The following KCNJ12 variants were observed in gnomAD, a reference collection of about 807,000 sequenced individuals.
KCNJ12 encodes ATP-sensitive inward rectifier potassium channel 12.
In KCNJ12, 2 loss-of-function variants were observed where a neutral mutation model predicts 22.3. The ratio of observed to expected loss-of-function variants is 0.09; its 90% CI spans 0.04 to 0.28. The LOEUF (loss-of-function observed/expected upper bound fraction) is 0.28, where lower values mean the gene tolerates loss of function less well. Ranked by LOEUF, KCNJ12 falls within the 10% of genes least tolerant of loss-of-function variation. The probability of loss-of-function intolerance (pLI) is 1.00; values close to 1 mark genes in which losing one functional copy is unlikely to be tolerated. For missense variants in KCNJ12, 155 were observed against 633.3 expected (o/e 0.24, Z 8.11); for synonymous variants, 117 against 261.4 (o/e 0.45, Z 5.33).
At chr17:21,400,413 TG>T (rs1392012544) in intron 1 of KCNJ12, among the ~76,000 whole-genome samples, 1 of 152,306 alleles carries the variant, frequency 6.6e-6, no homozygotes, top group Non-Finnish European at 1.5e-5. Context: ...CAGTCCCTCC[TG>T]TAGCCGGAAT....
chr17:21,382,430 A>G (rs1346652420), intron 1 of KCNJ12, among the ~76,000 whole-genome samples: 3 of 152,170 alleles, frequency 2.0e-5, no homozygotes, highest in African/African-American at 4.8e-5. Flanking sequence ...TGCCCAGTTA[A>G]GCATTCCAGA....
intron 1 of KCNJ12, among the ~76,000 whole-genome samples, chr17:21,383,658 C>T (rs567886308): frequency 6.6e-6 from 1 of 152,318 alleles, no homozygotes; most frequent in African/African-American, 2.4e-5. Context: ...CCCAGCCTGT[C>T]CCCTGGATGT....
At chr17:21,411,080 C>T (rs76513588) in intron 2 of KCNJ12, among the ~76,000 whole-genome samples, 21,535 of 143,044 alleles carry the variant, frequency 0.15, no homozygotes, top group Non-Finnish European at 0.18. Flanking sequence ...CTCTCCCTTC[C>T]GGTCAGTGCT....
At chr17:21,400,201 T>C (rs1313838843) in intron 1 of KCNJ12, among the ~76,000 whole-genome samples, 2 of 152,210 alleles carry the variant, frequency 1.3e-5, no homozygotes, top group Non-Finnish European at 2.9e-5. Context: ...GGGCTGCACA[T>C]GCAAAGGCCA....
chr17:21,381,329 A>G (rs1206393571), intron 1 of KCNJ12, among the ~76,000 whole-genome samples: 3 of 152,082 alleles, frequency 2.0e-5, no homozygotes, highest in African/African-American at 4.8e-5. Flanking sequence ...CTTCTACCAG[A>G]GCCACTCTGG....
intron 1 of KCNJ12, among the ~76,000 whole-genome samples, chr17:21,379,966 G>A (rs1036093796): frequency 6.6e-5 from 10 of 152,156 alleles, no homozygotes; most frequent in Non-Finnish European, 1.5e-4. Flanking sequence ...GACAGGGATT[G>A]GAGGCCCAGG....
chr17:21,405,708 C>G (rs56788990), intron 1 of KCNJ12, among the ~76,000 whole-genome samples: 2 of 144,742 alleles, frequency 1.4e-5, no homozygotes, highest in Non-Finnish European at 3.1e-5. Flanking sequence ...GCCCACCTCC[C>G]CATCCAGGAT....
At chr17:21,406,633 G>A (rs1339409500) in intron 1 of KCNJ12, among the ~76,000 whole-genome samples, 112 of 152,054 alleles carry the variant, frequency 7.4e-4, no homozygotes, top group Non-Finnish European at 9.3e-4. Context: ...GAGGGGAAGT[G>A]ACTCACTCAA....
At chr17:21,407,901 C>T (rs1906067766) in intron 1 of KCNJ12, among the ~76,000 whole-genome samples, 1 of 152,282 alleles carries the variant, frequency 6.6e-6, no homozygotes, top group Non-Finnish European at 1.5e-5. Context: ...CATCCACCCA[C>T]CCATGTATTC....
intron 1 of KCNJ12, among the ~76,000 whole-genome samples, chr17:21,407,816 CAT>C: frequency 6.7e-6 from 1 of 148,610 alleles, no homozygotes; most frequent in African/African-American, 2.5e-5. Context: ...TCCATTCACC[CAT>C]TCATCCACTC....
chr17:21,388,361 G>T (rs995075834), intron 1 of KCNJ12, among the ~76,000 whole-genome samples: 1 of 152,192 alleles, frequency 6.6e-6, no homozygotes, highest in Non-Finnish European at 1.5e-5. Flanking sequence ...CGTGGAGCCC[G>T]AGAGTGTGGC....
intron 1 of KCNJ12, among the ~76,000 whole-genome samples, chr17:21,401,840 G>A (rs1905637730): frequency 6.6e-6 from 1 of 152,226 alleles, no homozygotes; most frequent in Non-Finnish European, 1.5e-5. Context: ...GAGACCCTTG[G>A]CCTGGTGGAC....
At chr17:21,377,205 G>C (rs1904687052) in intron 1 of KCNJ12, among the ~76,000 whole-genome samples, 1 of 152,064 alleles carries the variant, frequency 6.6e-6, no homozygotes, top group African/African-American at 2.4e-5. Context: ...GGGAAACTTT[G>C]AGGAGCCCTC....
intron 1 of KCNJ12, among the ~76,000 whole-genome samples, chr17:21,396,506 A>G (rs1179384355): frequency 6.6e-6 from 1 of 152,186 alleles, no homozygotes; most frequent in Non-Finnish European, 1.5e-5. Context: ...AAATGAGGAC[A>G]CCGAGGCTCA....
chr17:21,411,204 TC>T (rs1407849311), intron 2 of KCNJ12, among the ~76,000 whole-genome samples: 1 of 152,302 alleles, frequency 6.6e-6, no homozygotes, highest in African/African-American at 2.4e-5. Context: ...TCCAGTTCCA[TC>T]CGGAAGCACC....
intron 1 of KCNJ12, among the ~76,000 whole-genome samples, chr17:21,383,375 G>A (rs553869863): frequency 6.6e-6 from 1 of 152,142 alleles, no homozygotes; most frequent in South Asian, 2.1e-4. Context: ...GCCAAGCCAG[G>A]CTTCCATTCA....
intron 1 of KCNJ12, among the ~76,000 whole-genome samples, chr17:21,394,580 C>T (rs1905290284): frequency 6.6e-6 from 1 of 152,178 alleles, no homozygotes; most frequent in South Asian, 2.1e-4. Flanking sequence ...CTGTTGCTGT[C>T]CTGGAAACAG....
At chr17:21,393,633 C>T (rs1905262655) in intron 1 of KCNJ12, among the ~76,000 whole-genome samples, 1 of 152,232 alleles carries the variant, frequency 6.6e-6, no homozygotes, top group Admixed American at 6.5e-5. Context: ...AGTCCTGGGG[C>T]TCCACCTCAT....
chr17:21,383,135 G>A (rs187010574), intron 1 of KCNJ12, among the ~76,000 whole-genome samples: 18 of 152,218 alleles, frequency 1.2e-4, no homozygotes, highest in South Asian at 2.1e-4. Flanking sequence ...ATGAAAGGCC[G>A]GGGGCAGGAG....
Sources: gnomAD v4.1 joint callset for allele counts (sites outside exome capture counted in the v4.1 genomes callset) on GRCh38, gnomAD v4.1.1 for gene constraint, MANE v1.5 for transcripts, NCBI Gene and HGNC (gene_info 2026-07-23, HGNC 2026-07-21) for gene names.